The following WDFY4 variants were observed in gnomAD, a reference collection of about 807,000 sequenced individuals.
WDFY4 encodes WD repeat- and FYVE domain-containing protein 4.
A neutral mutation model predicts 351.9 loss-of-function variants in WDFY4; 169 were observed. That is an observed-to-expected ratio of 0.48 (90% CI 0.42 to 0.55). The LOEUF (loss-of-function observed/expected upper bound fraction) is 0.55. Among genes scored for constraint, WDFY4 ranks in the 20% least tolerant of loss-of-function variants. The probability of loss-of-function intolerance (pLI) is 0.00; values close to 1 mark genes in which losing one functional copy is unlikely to be tolerated. For synonymous variants in WDFY4, 1,622 were observed against 1,574.6 expected (o/e 1.03, Z -0.71); for missense variants, 3,803 against 3,935.6 (o/e 0.97, Z 0.90).
intron 57 of WDFY4, among the ~76,000 whole-genome samples, chr10:48,973,361 T>A (rs1467485264): frequency 6.6e-6 from 1 of 152,164 alleles, no homozygotes; most frequent in Admixed American, 6.5e-5. Context: ...CTTCTGTGGG[T>A]CATACCCATT....
intron 28 of WDFY4, among the ~76,000 whole-genome samples, chr10:48,808,632 TAA>T (rs774821247): frequency 5.9e-5 from 9 of 152,156 alleles, no homozygotes; most frequent in Non-Finnish European, 1.2e-4. Context: ...GGCTTGGGGG[TAA>T]AGAGTTACCC....
At chr10:48,829,863 G>C (rs956478445) in intron 37 of WDFY4, among the ~76,000 whole-genome samples, 15 of 152,140 alleles carry the variant, frequency 9.9e-5, no homozygotes, top group Non-Finnish European at 1.3e-4. Context: ...AAAAATAAAA[G>C]ATTGTACACA....
chr10:48,826,523 A>G, intron 35 of WDFY4, 148 bp from the exon 36 acceptor site: 1 of 608,426 alleles, frequency 1.6e-6, no homozygotes, highest in Non-Finnish European at 2.9e-6. Context: ...TGGTAGTTTA[A>G]TGGGAATAGC....
At chr10:48,879,133 C>T (rs2070146645) in intron 43 of WDFY4, among the ~76,000 whole-genome samples, 1 of 152,164 alleles carries the variant, frequency 6.6e-6, no homozygotes, top group Admixed American at 6.5e-5. Context: ...ATTGAAAAAA[C>T]AGCTAAGACG....
intron 44 of WDFY4, 118 bp from the exon 45 acceptor site, chr10:48,897,336 T>C (rs1837133061): frequency 7.1e-7 from 1 of 1,412,638 alleles, no homozygotes; most frequent in South Asian, 1.4e-5. Flanking sequence ...ACCGCACTTC[T>C]CTGATGTGTC....
chr10:48,775,972 C>G (rs1183162515), intron 15 of WDFY4, among the ~76,000 whole-genome samples, 166 bp downstream of exon 15: 1 of 152,248 alleles, frequency 6.6e-6, no homozygotes, highest in African/African-American at 2.4e-5. Flanking sequence ...TTCCTGGTCT[C>G]TGGAGAAAGA....
intron 39 of WDFY4, among the ~76,000 whole-genome samples, chr10:48,853,932 A>T (rs1204050043): frequency 1.3e-5 from 2 of 152,218 alleles, no homozygotes; most frequent in African/African-American, 2.4e-5. Flanking sequence ...ATGTTTGCAG[A>T]ACTTAACAAC....
chr10:48,806,140 C>T (rs572916197), intron 27 of WDFY4, 45 bp downstream of exon 27: 55 of 1,533,474 alleles, frequency 3.6e-5, no homozygotes, highest in South Asian at 1.6e-4. Flanking sequence ...ACGGCCCTCA[C>T]GGAACCCCTG....
At chr10:48,878,307 C>A (rs760495819) in intron 43 of WDFY4, among the ~76,000 whole-genome samples, 26 of 152,108 alleles carry the variant, frequency 1.7e-4, no homozygotes, top group Non-Finnish European at 2.9e-4. Flanking sequence ...GAGCTGGAGG[C>A]TAGTCTGGCC....
chr10:48,793,167 G>A (rs1223966746), intron 23 of WDFY4, among the ~76,000 whole-genome samples: 1 of 152,194 alleles, frequency 6.6e-6, no homozygotes, highest in East Asian at 1.9e-4. Flanking sequence ...TAGGCACTAG[G>A]GATGTGAGGT....
chr10:48,803,135 C>T lies in WDFY4; in HGVS notation c.4411-151C>T, dbSNP rs1002580151. 3 of 738,394 alleles carry T rather than the reference C, an allele frequency of 4.1e-6. No individual in the cohort carries two copies. The African/African-American group carries it at 5.3e-5, about 13-fold the overall frequency. The allele number at this position is 738,394 out of a possible 1,614,324, so 45.7% of individuals were successfully genotyped here. On this transcript the variant is annotated intron_variant, in intron 24 of 61. Coordinates refer to ENST00000325239, the MANE Select transcript of WDFY4 (RefSeq NM_001394531.1). ...GGAGGCACCTCTCTGCTTGGAGTGT[C>T]AGGACAGCTGATCTGATTCCAGAGC...
intron 40 of WDFY4, among the ~76,000 whole-genome samples, chr10:48,872,441 C>A (rs987095101): frequency 6.6e-6 from 1 of 152,150 alleles, no homozygotes; most frequent in Non-Finnish European, 1.5e-5. Context: ...ACTTGTGGTA[C>A]CACTGGGTAG....
chr10:48,786,467 TA>T (rs2066407996), intron 19 of WDFY4, among the ~76,000 whole-genome samples, 171 bp from the exon 20 acceptor site: 1 of 152,188 alleles, frequency 6.6e-6, no homozygotes, highest in South Asian at 2.1e-4. Flanking sequence ...CCACATTTAA[TA>T]ACTTGTTTTG....
chr10:48,710,090 G>A lies in WDFY4; in HGVS notation c.234+124G>A, dbSNP rs575487682. On this transcript the variant is annotated intron_variant, in intron 2 of 61. Transcript: ENST00000325239. The stretch of plus-strand genomic sequence containing the variant: ...GTGGACTCTGATTGGTTGCTCAGGG[G>A]AGTGTTGTCTTAGTCTGCTAGGGCC... 433 of 918,962 alleles carry A rather than the reference G, an allele frequency of 4.7e-4. 2 individuals carry two copies. In the Middle Eastern group the frequency reaches 8.6e-3, roughly 18 times the overall value. The allele number at this position is 918,962 out of a possible 1,614,324, so 56.9% of individuals were successfully genotyped here.
chr10:48,963,294 T>C (rs1841941234), intron 53 of WDFY4, among the ~76,000 whole-genome samples: 1 of 152,208 alleles, frequency 6.6e-6, no homozygotes. Context: ...ACTTAATTCT[T>C]ACATGAACCT....
Position 48,731,181 on chromosome 10 carries a change from C to T in WDFY4, c.1201C>T (p.Leu401Phe). The T allele has an allele frequency of 3.9e-6, 6 of 1,551,808 alleles. No individual in the cohort carries two copies. The highest frequency in any genetic ancestry group is 5.2e-6 in the Non-Finnish European group (6 of 1,147,026). The change falls in exon 9 of 62, where the codon CTC (leucine) becomes TTC (phenylalanine). Residue 401 changes from leucine (L) to phenylalanine (F), a missense_variant. By Grantham distance (22) the Leu-to-Phe change is conservative. Around this residue, in one of 3 missense-constraint regions of WDFY4, gnomAD observed 261 missense variants for 330.2 expected, o/e 0.79. Transcript: ENST00000325239. ...TTTCCACAAAGCCAGTGACTCTGTC[C>T]TCTGCATACAAGTCTTGTCAGTCAT... is the stretch of plus-strand genomic sequence containing the variant. ...NVFHKASDSV[L>F]CIQVLSVIRT... is the part of the protein sequence containing the mutation.
At chr10:48,734,785 T>G (rs1376645699) in intron 10 of WDFY4, among the ~76,000 whole-genome samples, 1 of 151,324 alleles carries the variant, frequency 6.6e-6, no homozygotes, top group Non-Finnish European at 1.5e-5. Context: ...TCTACTTTTT[T>G]TTTTTTTTTG....
intron 47 of WDFY4, among the ~76,000 whole-genome samples, chr10:48,930,737 A>C (rs1230138314): frequency 6.6e-6 from 1 of 152,234 alleles, no homozygotes; most frequent in African/African-American, 2.4e-5. Flanking sequence ...ATGAGTGATT[A>C]AATAATTAAT....
At chr10:48,975,920 G>A (rs1015450711) in intron 58 of WDFY4, among the ~76,000 whole-genome samples, 2 of 152,168 alleles carry the variant, frequency 1.3e-5, no homozygotes, top group African/African-American at 2.4e-5. Context: ...TGGATGGATG[G>A]GTTGATGTAT....
Sources: allele counts gnomAD v4.1 joint callset (sites outside exome capture counted in the v4.1 genomes callset), GRCh38; gene constraint gnomAD v4.1.1; regional missense constraint gnomAD v4.1.1; transcripts MANE v1.5; gene names NCBI Gene and HGNC (gene_info 2026-07-23, HGNC 2026-07-21).